The following DISP3 variants were observed in gnomAD, a reference collection of about 807,000 sequenced individuals.
DISP3 encodes dispatched RND transporter family member 3, also known as protein dispatched homolog 3.
In DISP3, 101 loss-of-function variants were observed where a neutral mutation model predicts 135.3. That is an observed-to-expected ratio of 0.75 (90% CI 0.64 to 0.88). The LOEUF is 0.88. Among genes scored for constraint, DISP3 ranks in the 40% least tolerant of loss-of-function variants. The probability of loss-of-function intolerance (pLI) is 0.00; values close to 1 mark genes in which losing one functional copy is unlikely to be tolerated. For synonymous variants in DISP3, 856 were observed against 817.0 expected, an observed-to-expected ratio of 1.05 and a Z score of -0.81; for missense variants, 1,713 against 1,878.6, an observed-to-expected ratio of 0.91 and a Z score of 1.63.
In DISP3 at chr1:11,531,350, T is replaced by G. The variant is rs1642572281; in HGVS notation, c.3230-215T>G. Among the ~76,000 whole-genome samples, 1 of 152,184 alleles carries G rather than the reference T, an allele frequency of 6.6e-6. No individual in the cohort carries two copies. Among genetic ancestry groups the G allele is most frequent in the Non-Finnish European group, 1.5e-5 (1 of 68,018 alleles). ...CCAGGGGCTGGCCCCACAGCCAATG[T>G]GGATGAGGTCACCACCGGGGTGTCC... On this transcript the variant is annotated intron_variant, in intron 16 of 20. Transcript: ENST00000294484. The surrounding 1 kb of genome is among the most constrained non-coding windows in gnomAD (Gnocchi z 5.2).
intron 17 of DISP3, 49 bp from the exon 18 acceptor site, chr1:11,534,332 G>C (rs1178875916): frequency 6.2e-7 from 1 of 1,606,250 alleles, no homozygotes; most frequent in African/African-American, 1.3e-5. Context: ...GGAAGGGCGG[G>C]TGGGCCACAG....
intron 17 of DISP3, among the ~76,000 whole-genome samples, chr1:11,533,321 T>C (rs567807993): frequency 1.4e-5 from 2 of 147,960 alleles, no homozygotes; most frequent in Non-Finnish European, 3.0e-5. Context: ...AGTTGCGCAA[T>C]CTTGGCTCCC....
At chr1:11,484,737 T>G (rs1376461536) in intron 1 of DISP3, among the ~76,000 whole-genome samples, 1 of 152,092 alleles carries the variant, frequency 6.6e-6, no homozygotes, top group Non-Finnish European at 1.5e-5. Flanking sequence ...CTGTATACAG[T>G]GAGCTTGACC....
intron 3 of DISP3, among the ~76,000 whole-genome samples, chr1:11,510,742 G>A (rs985369981): frequency 2.0e-5 from 3 of 152,142 alleles, no homozygotes; most frequent in Non-Finnish European, 4.4e-5. Context: ...GCCAAAGTGG[G>A]AGGATTGCTT....
intron 1 of DISP3, among the ~76,000 whole-genome samples, chr1:11,489,143 G>C (rs1028873121): frequency 3.3e-5 from 5 of 152,204 alleles, no homozygotes; most frequent in African/African-American, 1.2e-4. Context: ...TTGCCCTAAG[G>C]TTCTCTGTTC....
At chr1:11,534,669 C>T (rs2100519486) in intron 18 of DISP3, 129 bp downstream of exon 18, 9 of 1,266,742 alleles carry the variant, frequency 7.1e-6, no homozygotes, top group East Asian at 2.5e-5. Context: ...CCGGGTGGCA[C>T]GGTGGCTGGG....
chr1:11,484,321 G>A (rs1640978907), intron 1 of DISP3, among the ~76,000 whole-genome samples: 1 of 152,242 alleles, frequency 6.6e-6, no homozygotes, highest in Admixed American at 6.5e-5. Context: ...GAGCCCCGCT[G>A]GCTGGTTCTC....
At chr1:11,484,701 C>T (rs1256280136) in intron 1 of DISP3, among the ~76,000 whole-genome samples, 1 of 152,170 alleles carries the variant, frequency 6.6e-6, no homozygotes, top group African/African-American at 2.4e-5. Flanking sequence ...TTGGAAAAGG[C>T]TGTTGGGTGG....
chr1:11,480,388 CACAT>C (rs772885940), intron 1 of DISP3, among the ~76,000 whole-genome samples: 10 of 152,178 alleles, frequency 6.6e-5, no homozygotes, highest in African/African-American at 2.4e-4. Flanking sequence ...ACAGTCCACA[CACAT>C]ACACTCGCGC....
chr1:11,533,877 G>C (rs750852928), intron 17 of DISP3: 1 of 717,146 alleles, frequency 1.4e-6, no homozygotes. Context: ...TCTCGGGACT[G>C]GGCACTGTGG....
rs775494180 is a variant in DISP3 at position 11,520,828 on chromosome 1, T to C, written c.2342T>C (p.Ile781Thr). The change falls in exon 10 of 21, where the codon ATC becomes ACC. Residue 781 changes from isoleucine to threonine, a missense_variant. This residue lies in a region of DISP3 where 1,142 missense variants were observed against 1,384.6 expected (regional missense o/e 0.82). Transcript: ENST00000294484. The surrounding 1 kb of genome is among the most constrained non-coding windows in gnomAD (Gnocchi z 4.8). ...AAGTACAACCTGAGCGCCGAGGGCA[T>C]CTCCTGCATCACCTGTTCAGGTGAG... is the stretch of plus-strand genomic sequence containing the variant. ...DLKYNLSAEG[I>T]SCITCSGLFQ... 4 of 1,608,596 alleles carry C rather than the reference T, an allele frequency of 2.5e-6. No individual in the cohort carries two copies. The African/African-American group carries it at 5.3e-5, about 21-fold the overall frequency.
intron 10 of DISP3, among the ~76,000 whole-genome samples, chr1:11,522,650 GGCCCAGCCAGAGCCCAGCCAGGA>G (rs1642248390): frequency 2.2e-5 from 1 of 45,214 alleles, no homozygotes; most frequent in South Asian, 7.6e-4. Flanking sequence ...GCCCAGCCAG[GGCCCAGCCAGAGCCCAGCCAGGA>G]CCCAGCCAGA....
chr1:11,495,188 G>A (rs1275269751), intron 1 of DISP3, among the ~76,000 whole-genome samples: 2 of 152,200 alleles, frequency 1.3e-5, no homozygotes, highest in Non-Finnish European at 2.9e-5. Flanking sequence ...TCAGGAGTTC[G>A]AGACCAGCCT....
chr1:11,527,056 G>C (rs1272352983), intron 13 of DISP3, among the ~76,000 whole-genome samples: 2 of 151,808 alleles, frequency 1.3e-5, no homozygotes, highest in African/African-American at 4.8e-5. Context: ...TCATCCTCCT[G>C]AGTAGCTGGG....
rs1437927978 is a variant in DISP3 at position 11,520,398 on chromosome 1, C to T, written c.2201-289C>T. ...TGTGAGATCAAGTAGTGCACCAGCTCGTCATAAACTATGAGGTGCTCTGAG... is the reference window on the plus strand; with the variant it reads ...TGTGAGATCAAGTAGTGCACCAGCTTGTCATAAACTATGAGGTGCTCTGAG... On this transcript the variant is annotated intron_variant, in intron 9 of 20. Coordinates refer to ENST00000294484, the MANE Select transcript of DISP3 (RefSeq NM_020780.2). The surrounding 1 kb of genome is among the most constrained non-coding windows in gnomAD (Gnocchi z 4.8). 3.3e-5 allele frequency among the ~76,000 whole-genome samples: 5 copies of T among 152,104 alleles called. No individual in the cohort carries two copies. The highest frequency in any genetic ancestry group is 4.8e-5 in the African/African-American group (2 of 41,404).
At chr1:11,533,573 T>C (rs1021949158) in intron 17 of DISP3, 2 of 562,196 alleles carry the variant, frequency 3.6e-6, no homozygotes, top group Non-Finnish European at 6.4e-6. Context: ...TGGCTCATTT[T>C]ACTCAGTGCA....
chr1:11,502,058 G>T lies in DISP3; in HGVS notation c.1066G>T (p.Gly356Cys). ...TERGGKIYYD[G>C]MGQDLADIRG... ...GAGGGGCGGCAAGATCTACTATGAC[G>T]GCATGGGCCAGGACCTGGCGGACAT... Residue 356 changes from glycine (G) to cysteine (C), a missense_variant, in exon 2 of 21, where the codon GGC becomes TGC. Around this residue, in one of 2 missense-constraint regions of DISP3, gnomAD observed 571 missense variants for 494.1 expected, o/e 1.16. Transcript: ENST00000294484. The T allele has an allele frequency of 2.5e-6, 4 of 1,589,188 alleles. No homozygotes were observed. The highest frequency in any genetic ancestry group is 3.4e-6 in the Non-Finnish European group (4 of 1,166,742).
In DISP3 at chr1:11,496,094, A is replaced by C. The variant is rs769574742; in HGVS notation, c.-3-4896A>C. The stretch of plus-strand genomic sequence containing the variant: ...GGTTACTGCTATTAATGGGTTTTTA[A>C]ATGCATATAGATGTGCGTTTTTTTT... On this transcript the variant is annotated intron_variant, in intron 1 of 20. Coordinates refer to ENST00000294484, the MANE Select transcript of DISP3 (RefSeq NM_020780.2). 1.4e-4 allele frequency among the ~76,000 whole-genome samples: 22 copies of C among 152,328 alleles called. No homozygotes were observed. The Middle Eastern group carries it at 0.01, about 71-fold the overall frequency.
rs766613904 is a variant in DISP3, at chr1:11,501,059, G to C, written c.67G>C (p.Ala23Pro). 1 of 1,614,050 alleles carries C rather than the reference G, an allele frequency of 6.2e-7. No individual in the cohort carries two copies. Among genetic ancestry groups the C allele is most frequent in the Admixed American group, 1.7e-5 (1 of 60,008 alleles). The change falls in exon 2 of 21, where the codon GCA (alanine) becomes CCA (proline). Residue 23 changes from alanine to proline, a missense_variant. By Grantham distance (27) the Ala-to-Pro change is conservative. This residue lies in a region of DISP3 where 571 missense variants were observed against 494.1 expected (regional missense o/e 1.16). Coordinates refer to ENST00000294484, the MANE Select transcript of DISP3 (RefSeq NM_020780.2). This position sits in a 1 kb window ranked among gnomAD's most constrained non-coding sequence, Gnocchi z 4.9. ...WLEEEQEEEE[A>P]TGETFLGAQK... Reference sequence around the variant, plus strand: ...AGAGGAGGAGCAGGAGGAGGAAGAAGCAACGGGTGAAACCTTTTTAGGGGC... The same window carrying C: ...AGAGGAGGAGCAGGAGGAGGAAGAACCAACGGGTGAAACCTTTTTAGGGGC...
Sources: gnomAD v4.1 joint callset for allele counts (sites outside exome capture counted in the v4.1 genomes callset) on GRCh38, gnomAD v4.1.1 for gene constraint, gnomAD v4.1.1 regional missense constraint, Gnocchi (gnomAD v3.1) non-coding constraint, MANE v1.5 for transcripts, NCBI Gene and HGNC (gene_info 2026-07-23, HGNC 2026-07-21) for gene names.